The following MAML1 variants were observed in gnomAD, a reference collection of about 807,000 sequenced individuals.
The protein encoded by MAML1 is mastermind-like protein 1.
A neutral mutation model predicts 77.1 loss-of-function variants in MAML1; 14 were observed. The ratio of observed to expected loss-of-function variants is 0.18; its 90% confidence interval spans 0.12 to 0.28. The LOEUF is 0.28. Ranked by LOEUF, MAML1 falls within the 10% of genes least tolerant of loss-of-function variation. The probability of loss-of-function intolerance (pLI) is 1.00; values close to 1 mark genes in which losing one functional copy is unlikely to be tolerated. For synonymous variants in MAML1, 516 were observed against 551.9 expected, an observed-to-expected ratio of 0.93 and a Z score of 0.91; for missense variants, 1,217 against 1,327.8, an observed-to-expected ratio of 0.92 and a Z score of 1.30.
Position 179,732,859 on chromosome 5 carries a change from C to T in MAML1, c.-254C>T, listed in dbSNP as rs966471682. 12 of 242,470 alleles carry T rather than the reference C, an allele frequency of 4.9e-5. No homozygotes were observed. Among genetic ancestry groups the T allele is most frequent in the African/African-American group, 2.3e-4 (10 of 43,952 alleles). 15.0% of individuals were successfully genotyped at this position (242,470 alleles called of 1,614,324 possible). ...AACAATTTTAAGATGGCGGCCGCGGCGGTAGCGCGGAAAACAATGGGGCCG... is the reference window on the plus strand; with the variant it reads ...AACAATTTTAAGATGGCGGCCGCGGTGGTAGCGCGGAAAACAATGGGGCCG... On this transcript the variant is annotated 5_prime_UTR_variant, in exon 1 of 5. Transcript: ENST00000292599.
At chr5:179,765,226 C>T in intron 1 of MAML1, 100 bp from the exon 2 acceptor site, 1 of 1,000,408 alleles carries the variant, frequency 1.0e-6, no homozygotes, top group Non-Finnish European at 1.5e-6. Context: ...CAAGCAGAAC[C>T]CACTGGCGAG....
intron 1 of MAML1, among the ~76,000 whole-genome samples, chr5:179,745,451 C>A (rs1343308308): frequency 6.6e-6 from 1 of 151,772 alleles, no homozygotes; most frequent in Non-Finnish European, 1.5e-5. Flanking sequence ...CGCGGTGGCT[C>A]ACGCCTGTAA....
intron 3 of MAML1, among the ~76,000 whole-genome samples, chr5:179,770,096 C>G (rs1315540456): frequency 6.6e-6 from 1 of 152,164 alleles, no homozygotes; most frequent in East Asian, 1.9e-4. Context: ...TACCCATGAG[C>G]AGCCATTCTC....
At chr5:179,743,111 G>A (rs1435244342) in intron 1 of MAML1, among the ~76,000 whole-genome samples, 1 of 147,472 alleles carries the variant, frequency 6.8e-6, no homozygotes, top group African/African-American at 2.5e-5. Flanking sequence ...GGAGTGCAAT[G>A]GCACCATCTT....
chr5:179,750,217 G>A (rs1352466461), intron 1 of MAML1, among the ~76,000 whole-genome samples: 1 of 152,268 alleles, frequency 6.6e-6, no homozygotes, highest in African/African-American at 2.4e-5. Flanking sequence ...TTCTGTGGAT[G>A]TGGCCATGTG....
rs1779089299 is a variant in MAML1, at chr5:179,732,881, G to C, written c.-232G>C. ...CGGCGGTAGCGCGGAAAACAATGGG[G>C]CCGGGGCGGTGGGGAGAGGCCGAGG... On this transcript the variant is annotated 5_prime_UTR_variant, in exon 1 of 5. Transcript: ENST00000292599. 1 of 262,436 alleles carries C rather than the reference G, an allele frequency of 3.8e-6. No individual in the cohort carries two copies. Among genetic ancestry groups the C allele is most frequent in the Non-Finnish European group, 7.1e-6 (1 of 140,110 alleles). 16.3% of individuals were successfully genotyped at this position (262,436 alleles called of 1,614,324 possible). A position where few individuals can be genotyped will look rare whatever the true frequency, so the allele number is the denominator to read the frequency against.
Position 179,775,952 on chromosome 5 carries a change from CA to C in MAML1, c.*1077del, listed in dbSNP as rs985525247. ...AGGCCGTAGGCCGGCCCGGAGGAAG[CA>C]ATTCCACTTGGTTTGACAACTTCTG... On this transcript the variant is annotated 3_prime_UTR_variant, in exon 5 of 5. Coordinates refer to ENST00000292599, the MANE Select transcript of MAML1 (RefSeq NM_014757.5). 2.0e-6 allele frequency: 2 copies of C among 985,636 alleles called. No individual in the cohort carries two copies. Among genetic ancestry groups the C allele is most frequent in the African/African-American group, 3.5e-5 (2 of 57,254 alleles). 61.1% of individuals were successfully genotyped at this position (985,636 alleles called of 1,614,324 possible).
intron 1 of MAML1, among the ~76,000 whole-genome samples, chr5:179,742,234 A>G (rs982234123): frequency 2.0e-5 from 3 of 150,754 alleles, no homozygotes; most frequent in Admixed American, 1.3e-4. Context: ...CATGCCTGTA[A>G]TCCCAGCACT....
rs6896036 is a variant in MAML1, at chr5:179,748,542, A to C, written c.315+15115A>C. Among the ~76,000 whole-genome samples the C allele has an allele frequency of 2.9e-3, 437 of 152,362 alleles. 5 individuals carry two copies. Among genetic ancestry groups the C allele is most frequent in the African/African-American group, 0.01 (418 of 41,586 alleles). On this transcript the variant is annotated intron_variant, in intron 1 of 4. Coordinates refer to ENST00000292599, the MANE Select transcript of MAML1 (RefSeq NM_014757.5). The stretch of plus-strand genomic sequence containing the variant: ...AGTTGTTTAATAAAGGCATATCAAT[A>C]AAATTTAAGGACCAGTGTAAGTGGT...
At chr5:179,753,198 TGTGTGTGTGTGTGTGTGTGTGTGTGC>T (rs1405291702) in intron 1 of MAML1, among the ~76,000 whole-genome samples, 2 of 95,798 alleles carry the variant, frequency 2.1e-5, no homozygotes, top group Non-Finnish European at 5.0e-5. Flanking sequence ...TGTGTGTGTG[TGTGTGTGTGTGTGTGTGTGTGTGTGC>T]GCGCGCGCGC....
At position 179,774,081 on chromosome 5, in the gene MAML1, C is replaced by T; in HGVS notation, c.2255C>T (p.Pro752Leu). Residue 752 changes from proline to leucine, a missense_variant, in exon 5 of 5, where the codon CCT becomes CTT. Pro to Leu is a moderately conservative substitution (Grantham distance 98, BLOSUM62 -3). This residue lies in a region of MAML1 where 884 missense variants were observed against 949.3 expected (regional missense o/e 0.93). Coordinates refer to ENST00000292599, the MANE Select transcript of MAML1 (RefSeq NM_014757.5). ...CAGTTCCCTGGCTCCCAAAACATGC[C>T]TCAGAGCAGCCTCTATGGCATGGCT... ...VAQFPGSQNM[P>L]QSSLYGMASG... The T allele has an allele frequency of 6.2e-7, 1 of 1,614,046 alleles. No homozygotes were observed. The highest frequency in any genetic ancestry group is 8.5e-7 in the Non-Finnish European group (1 of 1,180,044).
In MAML1 at chr5:179,733,078, C is replaced by T. The variant is rs1397221719; in HGVS notation, c.-35C>T. On this transcript the variant is annotated 5_prime_UTR_variant, in exon 1 of 5. Coordinates refer to ENST00000292599, the MANE Select transcript of MAML1 (RefSeq NM_014757.5). ...GCAGTGCCAGCCGGCCCCGAGAGGC[C>T]CGGCCCCGGGCCCGGCCCGTGCAGC... 2.5e-5 allele frequency: 32 copies of T among 1,263,850 alleles called. No individual in the cohort carries two copies. Among genetic ancestry groups the T allele is most frequent in the Non-Finnish European group, 3.1e-5 (31 of 1,002,262 alleles). The allele number at this position is 1,263,850 out of a possible 1,614,324, so 78.3% of individuals were successfully genotyped here.
chr5:179,771,341 C>A lies in MAML1; in HGVS notation c.2068+98C>A. On this transcript the variant is annotated intron_variant, in intron 4 of 4. Transcript: ENST00000292599. The surrounding 1 kb of genome is among the most constrained non-coding windows in gnomAD (Gnocchi z 4.7). ...GCCCAGCTCTATGCCTTGACTTCAT[C>A]AGGCTGCATGCATTGTCATCATATA... is the stretch of plus-strand genomic sequence containing the variant. 1 of 1,020,222 alleles carries A rather than the reference C, an allele frequency of 9.8e-7. No homozygotes were observed. Among genetic ancestry groups the A allele is most frequent in the Non-Finnish European group, 1.5e-6 (1 of 654,988 alleles). 63.2% of individuals were successfully genotyped at this position (1,020,222 alleles called of 1,614,324 possible).
chr5:179,737,910 C>T (rs541551158), intron 1 of MAML1, among the ~76,000 whole-genome samples: 1 of 97,360 alleles, frequency 1.0e-5, no homozygotes, highest in Non-Finnish European at 2.8e-5. Context: ...GGTCCTCCCA[C>T]CTCAGCCTCC....
chr5:179,739,716 T>C (rs1053909031), intron 1 of MAML1, among the ~76,000 whole-genome samples: 3 of 152,190 alleles, frequency 2.0e-5, no homozygotes, highest in Admixed American at 2.0e-4. Context: ...TATGACAACA[T>C]TTACATAGCA....
At chr5:179,773,818 C>G in intron 4 of MAML1, 77 bp from the exon 5 acceptor site, 1 of 1,531,910 alleles carries the variant, frequency 6.5e-7, no homozygotes, top group South Asian at 1.3e-5. Flanking sequence ...CGTGAGACTT[C>G]TGGTGCTGCG....
chr5:179,735,977 C>T (rs1331828597), intron 1 of MAML1, among the ~76,000 whole-genome samples: 5 of 152,192 alleles, frequency 3.3e-5, no homozygotes, highest in African/African-American at 1.2e-4. Context: ...TGAGCCACCG[C>T]GCCCGGCCTA....
intron 1 of MAML1, among the ~76,000 whole-genome samples, chr5:179,734,702 TCTCACTGCAGC>T (rs918058080): frequency 2.0e-5 from 3 of 152,008 alleles, no homozygotes; most frequent in Non-Finnish European, 4.4e-5. Context: ...CACAGTCATG[TCTCACTGCAGC>T]CTCAACCTTC....
At chr5:179,751,316 C>T (rs1429469477) in intron 1 of MAML1, among the ~76,000 whole-genome samples, 2 of 152,160 alleles carry the variant, frequency 1.3e-5, no homozygotes, top group Non-Finnish European at 2.9e-5. Context: ...TAGCCATCAG[C>T]CAGGTCAGGT....
Sources: gnomAD v4.1 joint callset for allele counts (sites outside exome capture counted in the v4.1 genomes callset) on GRCh38, gnomAD v4.1.1 for gene constraint, gnomAD v4.1.1 regional missense constraint, Gnocchi (gnomAD v3.1) non-coding constraint, MANE v1.5 for transcripts, NCBI Gene and HGNC (gene_info 2026-07-23, HGNC 2026-07-21) for gene names.